Variants in TTC21B observed in about 807,000 individuals in gnomAD.
TTC21B encodes the protein tetratricopeptide repeat domain 21B.
Under a neutral mutation model 175.1 loss-of-function variants are expected in TTC21B, and 127 were observed. The ratio of observed to expected loss-of-function variants is 0.73; its 90% CI spans 0.63 to 0.84. The LOEUF (loss-of-function observed/expected upper bound fraction) is 0.84. Among genes scored for constraint, TTC21B ranks in the 40% least tolerant of loss-of-function variants. The pLI, the probability that TTC21B is intolerant of heterozygous loss-of-function variation, is 0.00. For missense variants in TTC21B, 1,561 were observed against 1,558.3 expected (o/e 1.00, Z -0.03); for synonymous variants, 524 against 524.5 (o/e 1.00, Z 0.01).
At chr2:165,935,222 C>G (rs545401682) in intron 6 of TTC21B, among the ~76,000 whole-genome samples, 14 of 152,178 alleles carry the variant, frequency 9.2e-5, no homozygotes, top group Non-Finnish European at 1.9e-4. Context: ...AAACATTCTT[C>G]TATTACACTG....
Position 165,941,194 on chromosome 2 carries a change from G to C in TTC21B, c.553-10C>G. On this transcript the variant is annotated splice_polypyrimidine_tract_variant and intron_variant, in intron 5 of 28. Coordinates refer to ENST00000243344, the MANE Select transcript of TTC21B (RefSeq NM_024753.5). Reference sequence around the variant, plus strand: ...TCTCAAGGCATTGTGCCTAATGGAAGGGAAAAAAAGTGATATCCAAACTGT... The same window carrying C: ...TCTCAAGGCATTGTGCCTAATGGAACGGAAAAAAAGTGATATCCAAACTGT... The C allele has an allele frequency of 6.2e-7, 1 of 1,613,612 alleles. No homozygotes were observed. The highest frequency in any genetic ancestry group is 2.2e-5 in the East Asian group (1 of 44,858).
At position 165,901,895 on chromosome 2, in the gene TTC21B, C is replaced by G. The variant is rs769622599; in HGVS notation, c.2584G>C (p.Ala862Pro). ...ATCTGAACACGTTTTAGTACCCGAG[C>G]TTGTAATTCTCGAGCCTAGAAAAAA... The part of the protein sequence containing the change: ...TALQQARELQ[A>P]RVLKRVQMEQ... Residue 862 changes from alanine (A) to proline (P), a missense_variant, in exon 20 of 29, where the codon GCT (alanine) becomes CCT (proline). By Grantham distance (27) the Ala-to-Pro change is conservative. Coordinates refer to ENST00000243344, the MANE Select transcript of TTC21B (RefSeq NM_024753.5). 1 of 1,613,024 alleles carries G rather than the reference C, an allele frequency of 6.2e-7. No individual in the cohort carries two copies. The highest frequency in any genetic ancestry group is 1.1e-5 in the South Asian group (1 of 91,042).
chr2:165,910,231 G>A (rs921581132), intron 18 of TTC21B, among the ~76,000 whole-genome samples: 23 of 151,950 alleles, frequency 1.5e-4, no homozygotes, highest in African/African-American at 2.2e-4. Context: ...GTGAAAACTC[G>A]TCTCTACTAA....
chr2:165,894,367 T>C (rs1195816893), intron 22 of TTC21B, among the ~76,000 whole-genome samples: 8 of 152,118 alleles, frequency 5.3e-5, no homozygotes, highest in African/African-American at 1.4e-4. Context: ...TAAGCTAAAA[T>C]AGAGCCTTAA....
At position 165,924,633 on chromosome 2, in the gene TTC21B, T is replaced by C. The variant is rs948455096; in HGVS notation, c.1432A>G (p.Ile478Val). 6.8e-6 allele frequency: 11 copies of C among 1,613,810 alleles called. No homozygotes were observed. Among genetic ancestry groups the C allele is most frequent in the Non-Finnish European group, 9.3e-6 (11 of 1,179,816 alleles). ...QPLCPLLRRC[I>V]SVLETVVRTV... ...CTTACTACAGTCTCCAGGACTGAGA[T>C]GCAACGCCTGAGAAGTGGACAAAGA... Residue 478 changes from isoleucine (I) to valine (V), a missense_variant, in exon 12 of 29, where the codon ATC becomes GTC. Coordinates refer to ENST00000243344, the MANE Select transcript of TTC21B (RefSeq NM_024753.5).
At chr2:165,889,975 C>T (rs1362236870) in intron 24 of TTC21B, among the ~76,000 whole-genome samples, 1 of 152,080 alleles carries the variant, frequency 6.6e-6, no homozygotes, top group Non-Finnish European at 1.5e-5. Flanking sequence ...TAGCAGTATA[C>T]CACACTAACA....
chr2:165,931,987 C>A, intron 7 of TTC21B, 131 bp from the exon 8 acceptor site: 1 of 672,614 alleles, frequency 1.5e-6, no homozygotes. Flanking sequence ...AATTCCTCCT[C>A]CTTCAATGGA....
At chr2:165,927,344 T>TA in intron 11 of TTC21B, among the ~76,000 whole-genome samples, 2 of 94,424 alleles carry the variant, frequency 2.1e-5, no homozygotes, top group Admixed American at 1.4e-4. Flanking sequence ...ATATAATATA[T>TA]ATATAATATA....
intron 27 of TTC21B, among the ~76,000 whole-genome samples, chr2:165,878,680 A>AT (rs60789699): frequency 0.053 from 6,926 of 130,864 alleles, 434 homozygotes; most frequent in African/African-American, 0.13. Context: ...CATGAGCACG[A>AT]TTTTTTTTTT....
intron 1 of TTC21B, among the ~76,000 whole-genome samples, chr2:165,950,736 G>C (rs1401113145): frequency 6.6e-6 from 1 of 152,072 alleles, no homozygotes; most frequent in Non-Finnish European, 1.5e-5. Context: ...TCAGCCTCCT[G>C]ATCTGGGACT....
intron 19 of TTC21B, among the ~76,000 whole-genome samples, chr2:165,903,243 T>G (rs1179281752): frequency 6.6e-6 from 1 of 152,016 alleles, no homozygotes; most frequent in Non-Finnish European, 1.5e-5. Flanking sequence ...GAATGGTTAG[T>G]AGTTACACCC....
At chr2:165,884,506 CT>C (rs1684943644) in intron 25 of TTC21B, among the ~76,000 whole-genome samples, 1 of 152,184 alleles carries the variant, frequency 6.6e-6, no homozygotes, top group African/African-American at 2.4e-5. Context: ...TTTTTTCCCC[CT>C]CCCTTCTCCT....
intron 18 of TTC21B, among the ~76,000 whole-genome samples, chr2:165,908,454 G>A (rs1465119323): frequency 1.3e-5 from 2 of 152,072 alleles, no homozygotes; most frequent in African/African-American, 2.4e-5. Context: ...TAAATATTTG[G>A]TTAATGCCAA....
In TTC21B at chr2:165,911,487, T is replaced by C. The variant is rs750207343; in HGVS notation, c.2323-22A>G. On this transcript the variant is annotated intron_variant, in intron 17 of 28. Transcript: ENST00000243344. ...TTGCCTAAACAAAATTCATTCCATT[T>C]AAGGGAACAAGGCAATGAGAATGGC... The C allele has an allele frequency of 2.5e-6, 4 of 1,613,384 alleles. No individual in the cohort carries two copies. In the East Asian group the frequency reaches 6.7e-5, roughly 27 times the overall value.
rs1684930972 is a variant in TTC21B, at chr2:165,884,116, G to A, written c.3460-98C>T. The A allele has an allele frequency of 3.2e-6, 3 of 941,754 alleles. No individual in the cohort carries two copies. The South Asian group carries it at 4.1e-5, about 13-fold the overall frequency. 58.3% of individuals were successfully genotyped at this position (941,754 alleles called of 1,614,324 possible). A position where few individuals can be genotyped will look rare whatever the true frequency, so the allele number is the denominator to read the frequency against. On this transcript the variant is annotated intron_variant, in intron 25 of 28. Coordinates refer to ENST00000243344, the MANE Select transcript of TTC21B (RefSeq NM_024753.5). ...AATGCTACATAAGAACTAGTTTGTG[G>A]ATTCTATTTCTAGCTCCATTACAGA...
chr2:165,881,188 C>A (rs2105281588), intron 26 of TTC21B, among the ~76,000 whole-genome samples: 1 of 152,228 alleles, frequency 6.6e-6, no homozygotes, highest in South Asian at 2.1e-4. Context: ...ATCTCACAAA[C>A]CTACCCTTCT....
chr2:165,886,634 T>C (rs1412343148), intron 25 of TTC21B, among the ~76,000 whole-genome samples: 1 of 152,122 alleles, frequency 6.6e-6, no homozygotes, highest in Non-Finnish European at 1.5e-5. Flanking sequence ...TTAAAAAAAA[T>C]AACACAGTCT....
intron 12 of TTC21B, among the ~76,000 whole-genome samples, chr2:165,922,029 C>T (rs1686431068): frequency 6.6e-6 from 1 of 151,696 alleles, no homozygotes; most frequent in Non-Finnish European, 1.5e-5. Flanking sequence ...CTTACGTAGG[C>T]TGTTATTCTT....
At chr2:165,880,969 T>C (rs1166323818) in intron 26 of TTC21B, among the ~76,000 whole-genome samples, 170 bp from the exon 27 acceptor site, 2 of 152,198 alleles carry the variant, frequency 1.3e-5, no homozygotes, top group African/African-American at 4.8e-5. Flanking sequence ...AATAAATGAT[T>C]CTGATGGCAA....
Sources: gnomAD v4.1 joint callset for allele counts (sites outside exome capture counted in the v4.1 genomes callset) on GRCh38, gnomAD v4.1.1 for gene constraint, MANE v1.5 for transcripts, NCBI Gene and HGNC (gene_info 2026-07-23, HGNC 2026-07-21) for gene names.